Variants in PDE1C observed in about 807,000 individuals in gnomAD.
The protein encoded by PDE1C is dual specificity calcium/calmodulin-dependent 3',5'-cyclic nucleotide phosphodiesterase 1C.
In PDE1C, 62 loss-of-function variants were observed where a neutral mutation model predicts 93.1. The ratio of observed to expected loss-of-function variants is 0.67; its 90% confidence interval spans 0.54 to 0.82. The LOEUF (loss-of-function observed/expected upper bound fraction) is 0.82. PDE1C is among the 40% of genes least tolerant of loss of function. The probability of loss-of-function intolerance (pLI) is 0.00; values close to 1 mark genes in which losing one functional copy is unlikely to be tolerated. For synonymous variants in PDE1C, 325 were observed against 310.1 expected, an observed-to-expected ratio of 1.05 and a Z score of -0.50; for missense variants, 742 against 884.6, an observed-to-expected ratio of 0.84 and a Z score of 2.04.
intron 3 of PDE1C, among the ~76,000 whole-genome samples, chr7:32,081,590 C>T (rs898350173): frequency 6.6e-6 from 1 of 152,230 alleles, no homozygotes; most frequent in African/African-American, 2.4e-5. Flanking sequence ...GATCAATGCT[C>T]AGCAATTCCT....
intron 2 of PDE1C, among the ~76,000 whole-genome samples, chr7:32,208,041 T>C (rs1453725401): frequency 6.6e-6 from 1 of 152,230 alleles, no homozygotes; most frequent in Non-Finnish European, 1.5e-5. Flanking sequence ...AATATCTATT[T>C]TGCAAATAAT....
chr7:31,963,287 A>G (rs954870745), intron 2 of PDE1C, among the ~76,000 whole-genome samples: 2 of 152,232 alleles, frequency 1.3e-5, no homozygotes, highest in African/African-American at 4.8e-5. Flanking sequence ...GTTTAACACC[A>G]AACGTTATGC....
chr7:31,886,712 G>A (rs1797921741), intron 2 of PDE1C, among the ~76,000 whole-genome samples: 1 of 114,170 alleles, frequency 8.8e-6, no homozygotes, highest in Non-Finnish European at 1.9e-5. Context: ...ACAGAGGATG[G>A]GATAGGGAAA....
intron 1 of PDE1C, among the ~76,000 whole-genome samples, chr7:32,420,204 CATATATATGTATATAT>C (rs1295143715): frequency 6.0e-5 from 1 of 16,716 alleles, no homozygotes; most frequent in Non-Finnish European, 1.3e-4. Flanking sequence ...TATATATATA[CATATATATGTATATAT>C]ACATATATAT....
chr7:32,251,258 G>A (rs1009859092), intron 1 of PDE1C, among the ~76,000 whole-genome samples: 7 of 148,326 alleles, frequency 4.7e-5, no homozygotes, highest in Non-Finnish European at 1.0e-4. Flanking sequence ...ACCTGAATCC[G>A]GCAGCCCAGG....
chr7:32,280,867 C>T (rs1311720493), intron 1 of PDE1C, among the ~76,000 whole-genome samples: 2 of 152,092 alleles, frequency 1.3e-5, no homozygotes, highest in East Asian at 3.9e-4. Flanking sequence ...CACCTATAGT[C>T]CTAGCTACTT....
chr7:32,286,880 T>C (rs976175663), intron 1 of PDE1C, among the ~76,000 whole-genome samples: 8 of 152,216 alleles, frequency 5.3e-5, no homozygotes, highest in Non-Finnish European at 8.8e-5. Context: ...ATAAAATTAA[T>C]AATGCTATCT....
In PDE1C at chr7:32,420,339, G is replaced by A. The variant is rs866382998; in HGVS notation, c.310+7483C>T. Among the ~76,000 whole-genome samples the A allele has an allele frequency of 2.6e-3, 14 of 5,370 alleles. 2 individuals are homozygous for A. Among genetic ancestry groups the A allele is most frequent in the East Asian group, 0.011 (1 of 88 alleles). The allele number at this position is 5,370 out of a possible 152,430, so 3.5% of individuals were successfully genotyped here. A position where few individuals can be genotyped will look rare whatever the true frequency, so the allele number is the denominator to read the frequency against. On this transcript the variant is annotated intron_variant, in intron 1 of 1. Coordinates refer to the PDE1C transcript ENST00000672256. ...TGTATATATATGTGTATATATATAT[G>A]TGTATATATATGTGTATATATATAT...
intron 3 of PDE1C, among the ~76,000 whole-genome samples, chr7:32,080,589 G>C (rs759610701): frequency 6.6e-6 from 1 of 152,112 alleles, no homozygotes; most frequent in African/African-American, 2.4e-5. Flanking sequence ...GCTATCTGGC[G>C]GAGAATTACT....
chr7:32,200,946 T>C (rs1345076203), intron 2 of PDE1C, among the ~76,000 whole-genome samples: 2 of 152,196 alleles, frequency 1.3e-5, no homozygotes, highest in Admixed American at 6.5e-5. Flanking sequence ...AAGTTTCAGA[T>C]CCAACTTCTC....
intron 1 of PDE1C, among the ~76,000 whole-genome samples, chr7:32,394,132 A>G (rs1784801126): frequency 6.6e-6 from 1 of 152,250 alleles, no homozygotes; most frequent in South Asian, 2.1e-4. Context: ...CTGCCTCTAC[A>G]TAGAGACCCC....
At chr7:31,658,327 T>C in the PDE1C span, 1 of 1,523,264 alleles carries the variant, frequency 6.6e-7, no homozygotes. Context: ...AGCAAATAAC[T>C]CTGCTAAAGA....
At position 32,261,236 on chromosome 7, in the gene PDE1C, A is replaced by G. The variant is rs113572411; in HGVS notation, c.85+37415T>C. Among the ~76,000 whole-genome samples the G allele has an allele frequency of 8.9e-4, 135 of 152,266 alleles. 1 individual carries two copies. The highest frequency in any genetic ancestry group is 3.2e-3 in the African/African-American group (131 of 41,554). On this transcript the variant is annotated intron_variant, in intron 1 of 18. Transcript: ENST00000396193. The stretch of plus-strand genomic sequence containing the variant: ...GTAAAACCTAAGATCAGTGCTTGAG[A>G]TATTTTGCAGACCCCCACACTTGAT...
intron 16 of PDE1C, 119 bp downstream of exon 16, chr7:31,808,912 T>C: frequency 1.7e-6 from 1 of 591,664 alleles, no homozygotes; most frequent in Non-Finnish European, 3.0e-6. Flanking sequence ...TAGTGAAGGG[T>C]TTTTTTCAGG....
intron 3 of PDE1C, among the ~76,000 whole-genome samples, chr7:32,106,737 T>C (rs1382807978): frequency 6.6e-6 from 1 of 152,194 alleles, no homozygotes; most frequent in African/African-American, 2.4e-5. Flanking sequence ...AATTAGACTC[T>C]ACATCAGTTC....
At chr7:31,634,355 C>T in the PDE1C span, among the ~76,000 whole-genome samples, 1 of 152,098 alleles carries the variant, frequency 6.6e-6, no homozygotes, top group Non-Finnish European at 1.5e-5. Context: ...TGATGTCCTG[C>T]AGCAAAAATT....
chr7:31,796,317 A>C (rs1785304541), intron 16 of PDE1C, among the ~76,000 whole-genome samples: 1 of 151,582 alleles, frequency 6.6e-6, no homozygotes. Context: ...GTATGTGTAC[A>C]TAAGTGTGTG....
At chr7:31,743,556 A>AGTGT in the PDE1C span, among the ~76,000 whole-genome samples, 4 of 148,014 alleles carry the variant, frequency 2.7e-5, no homozygotes, top group African/African-American at 7.5e-5. Flanking sequence ...TGGAGGATGC[A>AGTGT]GTGTGTGTGT....
intron 3 of PDE1C, among the ~76,000 whole-genome samples, chr7:32,116,420 G>T (rs1477212823): frequency 1.3e-5 from 2 of 152,042 alleles, no homozygotes; most frequent in Non-Finnish European, 2.9e-5. Context: ...TGTCCTTATT[G>T]CCTCTGATCA....
Sources: allele counts gnomAD v4.1 joint callset (sites outside exome capture counted in the v4.1 genomes callset), GRCh38; gene constraint gnomAD v4.1.1; transcripts MANE v1.5; gene names NCBI Gene and HGNC (gene_info 2026-07-23, HGNC 2026-07-21).